The following KCTD16 variants were observed in gnomAD, a reference collection of about 807,000 sequenced individuals.
KCTD16 encodes the protein BTB/POZ domain-containing protein KCTD16.
Under a neutral mutation model 33.2 loss-of-function variants are expected in KCTD16, and 13 were observed. The ratio of observed to expected loss-of-function variants is 0.39; its 90% CI spans 0.25 to 0.62. The LOEUF is 0.62. Among genes scored for constraint, KCTD16 ranks in the 20% least tolerant of loss-of-function variants. The pLI is 0.50. For synonymous variants in KCTD16, 197 were observed against 195.3 expected, an observed-to-expected ratio of 1.01 and a Z score of -0.07; for missense variants, 441 against 525.1, an observed-to-expected ratio of 0.84 and a Z score of 1.57.
intron 3 of KCTD16, among the ~76,000 whole-genome samples, chr5:144,225,409 A>G (rs898210463): frequency 6.6e-6 from 1 of 152,182 alleles, no homozygotes; most frequent in Admixed American, 6.5e-5. Context: ...ATTATTTTTA[A>G]GAATTTGATT....
At chr5:144,308,262 C>T (rs1751661109) in intron 3 of KCTD16, among the ~76,000 whole-genome samples, 1 of 152,172 alleles carries the variant, frequency 6.6e-6, no homozygotes, top group Non-Finnish European at 1.5e-5. Context: ...AAAATATATG[C>T]TCACATTCTG....
At chr5:144,390,230 C>T (rs890408518) in intron 3 of KCTD16, among the ~76,000 whole-genome samples, 7 of 152,142 alleles carry the variant, frequency 4.6e-5, no homozygotes, top group African/African-American at 1.4e-4. Context: ...AGGTAGATTT[C>T]CTTGTTTCTA....
At chr5:144,343,698 C>T (rs993160538) in intron 3 of KCTD16, among the ~76,000 whole-genome samples, 1 of 152,148 alleles carries the variant, frequency 6.6e-6, no homozygotes, top group Non-Finnish European at 1.5e-5. Flanking sequence ...ATCTTTCCTG[C>T]TCTCTCTTGT....
At chr5:144,456,549 T>C (rs371797335) in intron 3 of KCTD16, among the ~76,000 whole-genome samples, 2 of 152,168 alleles carry the variant, frequency 1.3e-5, no homozygotes, top group African/African-American at 2.4e-5. Flanking sequence ...ACAGTGCAAT[T>C]TGAGTATCAG....
intron 3 of KCTD16, among the ~76,000 whole-genome samples, chr5:144,278,169 T>C (rs1755490103): frequency 6.6e-6 from 1 of 152,118 alleles, no homozygotes; most frequent in South Asian, 2.1e-4. Context: ...TTCATTTAAA[T>C]ATAGAATTCA....
At chr5:144,205,041 G>A (rs1052864941) in intron 2 of KCTD16, among the ~76,000 whole-genome samples, 1 of 152,074 alleles carries the variant, frequency 6.6e-6, no homozygotes, top group Non-Finnish European at 1.5e-5. Context: ...TAAAAAGTCA[G>A]TTGTGTTTAT....
chr5:144,308,722 A>G (rs1751675853), intron 3 of KCTD16, among the ~76,000 whole-genome samples: 1 of 150,150 alleles, frequency 6.7e-6, no homozygotes, highest in Non-Finnish European at 1.5e-5. Flanking sequence ...AGTTAGACTC[A>G]AAGATAGATA....
chr5:144,378,204 G>A (rs569014921), intron 3 of KCTD16, among the ~76,000 whole-genome samples: 13 of 152,164 alleles, frequency 8.5e-5, no homozygotes, highest in African/African-American at 3.1e-4. Context: ...TGGAGGTTGG[G>A]GTAGGAAGGT....
chr5:144,390,512 G>A (rs1197328420), intron 3 of KCTD16, among the ~76,000 whole-genome samples: 1 of 135,580 alleles, frequency 7.4e-6, no homozygotes, highest in Admixed American at 7.8e-5. Flanking sequence ...CAAACTGGCT[G>A]TAAGAAGTGT....
intron 3 of KCTD16, among the ~76,000 whole-genome samples, chr5:144,390,596 T>C (rs1181917721): frequency 6.6e-6 from 1 of 152,064 alleles, no homozygotes; most frequent in East Asian, 1.9e-4. Flanking sequence ...GTTGCGTAGG[T>C]ATACATGTGC....
chr5:144,455,881 T>C (rs1257789334), intron 3 of KCTD16, among the ~76,000 whole-genome samples: 1 of 152,306 alleles, frequency 6.6e-6, no homozygotes, highest in East Asian at 1.9e-4. Context: ...TCTTCTACAA[T>C]GGCATCACAG....
intron 3 of KCTD16, among the ~76,000 whole-genome samples, chr5:144,226,896 T>C (rs1172994778): frequency 6.6e-6 from 1 of 152,220 alleles, no homozygotes; most frequent in Non-Finnish European, 1.5e-5. Context: ...TATGAATACA[T>C]AATAGCCAAC....
At chr5:144,312,730 G>A (rs1482947315) in intron 3 of KCTD16, among the ~76,000 whole-genome samples, 4 of 152,312 alleles carry the variant, frequency 2.6e-5, no homozygotes, top group Middle Eastern at 3.4e-3. Context: ...TTGGCAAAGT[G>A]CTAGAGGAAC....
chr5:144,457,625 A>G (rs971652901), intron 3 of KCTD16, among the ~76,000 whole-genome samples: 1 of 152,216 alleles, frequency 6.6e-6, no homozygotes, highest in Non-Finnish European at 1.5e-5. Flanking sequence ...CTCTCCTGTT[A>G]AGGAGAATAA....
Position 144,346,957 on chromosome 5 carries a change from CT to C in KCTD16, c.833-126693del, listed in dbSNP as rs139441930. 3.1e-3 allele frequency among the ~76,000 whole-genome samples: 455 copies of C among 148,242 alleles called. 1 individual carries two copies. The highest frequency in any genetic ancestry group is 5.7e-3 in the African/African-American group (231 of 40,526). ...ACCCAAGTCCTGGAGATTTTCAACA[CT>C]TTTTTTTTTGTGGTAGTTTCATAGT... On this transcript the variant is annotated intron_variant, in intron 3 of 3. Transcript: ENST00000512467.
intron 3 of KCTD16, among the ~76,000 whole-genome samples, chr5:144,347,815 A>G (rs1214483833): frequency 6.6e-6 from 1 of 151,962 alleles, no homozygotes; most frequent in East Asian, 1.9e-4. Context: ...ATCTGGGGGG[A>G]TCTCTTCTGC....
intron 3 of KCTD16, among the ~76,000 whole-genome samples, chr5:144,234,423 A>G (rs960023376): frequency 2.0e-5 from 3 of 152,140 alleles, no homozygotes; most frequent in Non-Finnish European, 4.4e-5. Flanking sequence ...TACCCTTCCT[A>G]TTCCAGGGAT....
Position 144,482,927 on chromosome 5 carries a change from T to C in KCTD16, c.*8813T>C, listed in dbSNP as rs1754733885. ...ATATTTGGTTTCCTAGACGGTCTAA[T>C]ATAGTTCTAATTTCCAAAATTCTCT... On this transcript the variant is annotated 3_prime_UTR_variant, in exon 4 of 4. Transcript: ENST00000512467. The C allele has an allele frequency of 1.3e-5, 2 of 151,724 alleles. No homozygotes were observed. The highest frequency in any genetic ancestry group is 4.8e-5 in the African/African-American group (2 of 41,348). 9.4% of individuals were successfully genotyped at this position (151,724 alleles called of 1,614,324 possible). A position where few individuals can be genotyped will look rare whatever the true frequency, so the allele number is the denominator to read the frequency against.
chr5:144,211,516 T>C (rs1753391756), intron 3 of KCTD16, among the ~76,000 whole-genome samples: 4 of 152,178 alleles, frequency 2.6e-5, no homozygotes, highest in Admixed American at 2.6e-4. Flanking sequence ...TTATTAAAAC[T>C]ATTGTATACA....
Sources: allele counts gnomAD v4.1 joint callset (sites outside exome capture counted in the v4.1 genomes callset), GRCh38; gene constraint gnomAD v4.1.1; transcripts MANE v1.5; gene names NCBI Gene and HGNC (gene_info 2026-07-23, HGNC 2026-07-21).